Variants in CLTCL1 observed in about 807,000 individuals in gnomAD.
CLTCL1 encodes the protein clathrin heavy chain like 1.
CLTCL1 carries 159 observed loss-of-function variants against 190.0 expected under a neutral mutation model. The ratio of observed to expected loss-of-function variants is 0.84; its 90% CI spans 0.74 to 0.95. The LOEUF is 0.95. Ranked by LOEUF, CLTCL1 falls within the 40% of genes least tolerant of loss-of-function variation. The pLI is 0.00. For missense variants in CLTCL1, 1,878 were observed against 2,033.4 expected (o/e 0.92, Z 1.47); for synonymous variants, 752 against 769.6 (o/e 0.98, Z 0.38).
chr22:19,193,675 TG>T (rs1323070848), intron 26 of CLTCL1, among the ~76,000 whole-genome samples: 5 of 152,188 alleles, frequency 3.3e-5, no homozygotes. Context: ...TTCCTTCCGG[TG>T]GGTTCTTGGT....
At chr22:19,258,711 AACT>A in intron 2 of CLTCL1, 2 of 686,830 alleles carry the variant, frequency 2.9e-6, no homozygotes, top group Non-Finnish European at 5.4e-6. Context: ...AGACAGCAGC[AACT>A]CCATGCAAAC....
intron 2 of CLTCL1, among the ~76,000 whole-genome samples, chr22:19,266,618 G>C (rs1439081803): frequency 1.3e-5 from 2 of 152,100 alleles, no homozygotes; most frequent in African/African-American, 4.8e-5. Flanking sequence ...CACAAGAAAA[G>C]AAAACTATAG....
chr22:19,193,959 C>G (rs571832103), intron 26 of CLTCL1, among the ~76,000 whole-genome samples: 14 of 152,180 alleles, frequency 9.2e-5, no homozygotes, highest in Non-Finnish European at 1.6e-4. Context: ...GGAAAAAGAC[C>G]CGAACAGGTT....
chr22:19,230,405 C>G (rs1235626649), intron 10 of CLTCL1, among the ~76,000 whole-genome samples: 2 of 152,058 alleles, frequency 1.3e-5, no homozygotes, highest in African/African-American at 4.8e-5. Flanking sequence ...CGCCCGGCCC[C>G]TTTCCATTTT....
intron 3 of CLTCL1, among the ~76,000 whole-genome samples, chr22:19,251,687 AC>A (rs1260281230): frequency 3.3e-5 from 5 of 151,548 alleles, no homozygotes; most frequent in African/African-American, 1.2e-4. Context: ...CAATCTCCTG[AC>A]CTCGTGATCC....
intron 30 of CLTCL1, chr22:19,181,103 T>C (rs2800973): frequency 0.73 from 315,513 of 430,876 alleles, 118,195 homozygotes; most frequent in East Asian, 0.95. Context: ...GTGGCCTGCT[T>C]ATGGGGGGCC....
chr22:19,260,779 CAAA>C (rs34267370), intron 2 of CLTCL1, among the ~76,000 whole-genome samples: 4 of 56,922 alleles, frequency 7.0e-5, no homozygotes, highest in Admixed American at 2.5e-4. Flanking sequence ...AACTCTGTCT[CAAA>C]AAAAAAAAAA....
intron 24 of CLTCL1, among the ~76,000 whole-genome samples, chr22:19,199,069 T>C (rs1460335319): frequency 6.6e-6 from 1 of 152,048 alleles, no homozygotes; most frequent in African/African-American, 2.4e-5. Flanking sequence ...TCTCACATAG[T>C]GAGGGGTTTG....
At chr22:19,197,744 G>A (rs1288355151) in intron 24 of CLTCL1, among the ~76,000 whole-genome samples, 1 of 152,124 alleles carries the variant, frequency 6.6e-6, no homozygotes, top group Middle Eastern at 3.2e-3. Flanking sequence ...AGCAGGCCCT[G>A]TCCCTGCTGA....
chr22:19,182,887 T>C (rs2084185938), intron 30 of CLTCL1: 2 of 167,278 alleles, frequency 1.2e-5, no homozygotes, highest in Admixed American at 1.2e-4. Flanking sequence ...GTACTGTCAC[T>C]TCGATGAGGC....
intron 15 of CLTCL1, among the ~76,000 whole-genome samples, chr22:19,222,402 G>C (rs1555953091): frequency 6.6e-6 from 1 of 152,228 alleles, no homozygotes; most frequent in African/African-American, 2.4e-5. Context: ...GGCACAGCCA[G>C]GAGGCTGTCT....
At chr22:19,221,275 C>T in intron 17 of CLTCL1, 102 bp downstream of exon 17, 1 of 828,496 alleles carries the variant, frequency 1.2e-6, no homozygotes, top group South Asian at 1.8e-5. Context: ...CTGCCATCTC[C>T]AGGTGCACAG....
Position 19,196,329 on chromosome 22 carries a change from G to A in CLTCL1, c.4128C>T (p.Leu1376=), listed in dbSNP as rs1555935532. The A allele has an allele frequency of 6.2e-7, 1 of 1,613,990 alleles. No individual in the cohort carries two copies. Among genetic ancestry groups the A allele is most frequent in the Admixed American group, 1.7e-5 (1 of 60,026 alleles). Residue 1376 remains leucine (L), a synonymous_variant, in exon 26 of 33, where the codon CTC becomes CTT. Coordinates refer to ENST00000427926, the MANE Select transcript of CLTCL1 (RefSeq NM_007098.4). The part of the protein sequence containing the change: ...DKYEEYDNAV[L]TMMSHPTEAW... Reference sequence around the variant, plus strand: ...CCTCAGTGGGGTGGCTCATCATGGTGAGCACAGCATTGTCATACTCCTCGT... The same window carrying A: ...CCTCAGTGGGGTGGCTCATCATGGTAAGCACAGCATTGTCATACTCCTCGT...
At chr22:19,216,284 T>A (rs1555949464) in intron 18 of CLTCL1, 28 bp from the exon 19 acceptor site, 1 of 1,610,704 alleles carries the variant, frequency 6.2e-7, no homozygotes, top group South Asian at 1.1e-5. Context: ...TTGAAAGAAC[T>A]TGATTAAAGT....
chr22:19,223,679 T>TA (rs1555953890), intron 14 of CLTCL1, among the ~76,000 whole-genome samples: 1 of 152,202 alleles, frequency 6.6e-6, no homozygotes, highest in African/African-American at 2.4e-5. Flanking sequence ...GCCAGATACT[T>TA]AGAGCACAGC....
rs1555993985 is a variant in CLTCL1, at chr22:19,291,643, G to T, written c.-2C>A. ...GCGAACAGGGAGGATCTGCGCCATG[G>T]CTGGTGCGGGACCTCGGCGGCGGCG... On this transcript the variant is annotated 5_prime_UTR_variant, in exon 1 of 33. Transcript: ENST00000427926. 7.2e-7 allele frequency: 1 copy of T among 1,398,070 alleles called. No individual in the cohort carries two copies. The highest frequency in any genetic ancestry group is 3.1e-5 in the East Asian group (1 of 32,078). 86.6% of individuals were successfully genotyped at this position (1,398,070 alleles called of 1,614,324 possible). A position where few individuals can be genotyped will look rare whatever the true frequency, so the allele number is the denominator to read the frequency against.
rs1555971300 is a variant in CLTCL1, at chr22:19,253,998, C to T, written c.480G>A (p.Glu160=). The T allele has an allele frequency of 7.4e-6, 12 of 1,613,288 alleles. No individual in the cohort carries two copies. In the East Asian group the frequency reaches 1.1e-4, roughly 15 times the overall value. ...CTACGAGCAGCAGCCACTTCTGGTA[C>T]TCATCAGTCCGGTAGTGAATCACCT... The part of the protein sequence containing the change: ...GCQVIHYRTD[E]YQKWLLLVGI... The change falls in exon 3 of 33, where the codon GAG becomes GAA. Residue 160 remains glutamate, a synonymous_variant. Transcript: ENST00000427926.
chr22:19,239,857 G>C (rs1324088485), intron 4 of CLTCL1, among the ~76,000 whole-genome samples: 2 of 152,070 alleles, frequency 1.3e-5, no homozygotes, highest in Non-Finnish European at 2.9e-5. Context: ...GCGGGGGTAA[G>C]AATCTGATGA....
rs780344135 is a variant in CLTCL1, at chr22:19,221,502, C to T, written c.2671G>A (p.Glu891Lys). The T allele has an allele frequency of 1.2e-5, 20 of 1,602,134 alleles. No homozygotes were observed. Among genetic ancestry groups the T allele is most frequent in the African/African-American group, 5.4e-5 (4 of 74,766 alleles). ...KIYIDSNNSP[E>K]CFLRENAYYD... is the part of the protein sequence containing the mutation. ...TAGGCATTCTCTCTCAGGAAGCACTCGGGGCTGTTGTTGCTGTCGATGTAG... is the reference window on the plus strand; with the variant it reads ...TAGGCATTCTCTCTCAGGAAGCACTTGGGGCTGTTGTTGCTGTCGATGTAG... The change falls in exon 17 of 33, where the codon GAG becomes AAG. Residue 891 changes from glutamate (E) to lysine (K), a missense_variant. Physicochemically the swap from Glu to Lys is moderately conservative, Grantham distance 56. Coordinates refer to ENST00000427926, the MANE Select transcript of CLTCL1 (RefSeq NM_007098.4).
Sources: gnomAD v4.1 joint callset for allele counts (sites outside exome capture counted in the v4.1 genomes callset) on GRCh38, gnomAD v4.1.1 for gene constraint, MANE v1.5 for transcripts, NCBI Gene and HGNC (gene_info 2026-07-23, HGNC 2026-07-21) for gene names.